CSMD1: variants seen among roughly 807,000 people sequenced by gnomAD.
CSMD1 encodes CUB and sushi domain-containing protein 1.
Under a neutral mutation model 417.5 loss-of-function variants are expected in CSMD1, and 213 were observed. That is an observed-to-expected ratio of 0.51 (90% CI 0.46 to 0.57). The LOEUF is 0.57. Ranked by LOEUF, CSMD1 falls within the 20% of genes least tolerant of loss-of-function variation. CSMD1 has a pLI of 0.00. For synonymous variants in CSMD1, 2,862 were observed against 1,736.8 expected (o/e 1.65, Z -16.11); for missense variants, 6,923 against 4,529.7 (o/e 1.53, Z -15.17).
At chr8:4,157,798 A>G (rs1796917163) in intron 3 of CSMD1, among the ~76,000 whole-genome samples, 1 of 152,176 alleles carries the variant, frequency 6.6e-6, no homozygotes, top group Admixed American at 6.5e-5. Context: ...GAACTTGCCC[A>G]GGGCCTTGGT....
intron 5 of CSMD1, among the ~76,000 whole-genome samples, chr8:3,805,856 C>T (rs1020130430): frequency 1.3e-5 from 2 of 152,090 alleles, no homozygotes; most frequent in Admixed American, 1.3e-4. Context: ...AAATTTCATG[C>T]CTCAGTTTCC....
At chr8:3,769,761 G>C (rs1030256717) in intron 5 of CSMD1, among the ~76,000 whole-genome samples, 1 of 152,050 alleles carries the variant, frequency 6.6e-6, no homozygotes, top group Non-Finnish European at 1.5e-5. Context: ...TGGCAATTTG[G>C]TATTATTTCT....
chr8:4,140,269 G>T (rs1405635795), intron 3 of CSMD1, among the ~76,000 whole-genome samples: 1 of 150,920 alleles, frequency 6.6e-6, no homozygotes, highest in African/African-American at 2.5e-5. Flanking sequence ...AGCTAAGGCG[G>T]GTGGATCACT....
chr8:4,106,543 G>T (rs560956653), intron 3 of CSMD1, among the ~76,000 whole-genome samples: 2 of 152,020 alleles, frequency 1.3e-5, no homozygotes, highest in African/African-American at 2.4e-5. Context: ...AAATTTAAGA[G>T]AAGCCACATT....
chr8:4,885,951 T>C (rs1803709274), intron 1 of CSMD1, among the ~76,000 whole-genome samples: 1 of 151,966 alleles, frequency 6.6e-6, no homozygotes, highest in African/African-American at 2.4e-5. Context: ...ATTTTAGCTC[T>C]TACATTTAGG....
At chr8:4,856,326 G>C (rs1437851189) in intron 1 of CSMD1, among the ~76,000 whole-genome samples, 2 of 144,912 alleles carry the variant, frequency 1.4e-5, no homozygotes, top group South Asian at 2.3e-4. Context: ...AAAATGTAAA[G>C]ACCATCGAGA....
At chr8:4,458,020 G>A (rs1049588747) in intron 2 of CSMD1, among the ~76,000 whole-genome samples, 4 of 151,942 alleles carry the variant, frequency 2.6e-5, no homozygotes, top group East Asian at 1.9e-4. Flanking sequence ...CCCTATATCC[G>A]GTATTCCTCT....
intron 8 of CSMD1, among the ~76,000 whole-genome samples, chr8:3,606,446 A>G (rs937575070): frequency 2.0e-5 from 3 of 152,098 alleles, no homozygotes; most frequent in African/African-American, 7.2e-5. Flanking sequence ...ATACCTAAAC[A>G]TAGAAAAGGA....
intron 3 of CSMD1, among the ~76,000 whole-genome samples, chr8:4,164,475 A>C (rs187396127): frequency 2.0e-5 from 3 of 152,126 alleles, no homozygotes; most frequent in Non-Finnish European, 4.4e-5. Flanking sequence ...ATGAACCCCT[A>C]AACTAATCAA....
intron 12 of CSMD1, among the ~76,000 whole-genome samples, chr8:3,464,799 A>G (rs150925955): frequency 0.014 from 2,061 of 152,136 alleles, 52 homozygotes; most frequent in African/African-American, 0.047. Context: ...TTTTGAACAG[A>G]TTATTTTTAA....
intron 10 of CSMD1, among the ~76,000 whole-genome samples, chr8:3,520,170 A>C (rs910586180): frequency 6.6e-6 from 1 of 152,040 alleles, no homozygotes; most frequent in Non-Finnish European, 1.5e-5. Flanking sequence ...AGAACCGAGA[A>C]GAAGAGAATT....
intron 1 of CSMD1, among the ~76,000 whole-genome samples, chr8:4,964,373 G>A (rs1809707949): frequency 6.6e-6 from 1 of 151,734 alleles, no homozygotes; most frequent in South Asian, 2.1e-4. Context: ...AAAAAAATAA[G>A]CCGGGTCTAG....
intron 27 of CSMD1, among the ~76,000 whole-genome samples, chr8:3,224,859 G>A (rs890891463): frequency 5.3e-5 from 8 of 152,152 alleles, no homozygotes; most frequent in Non-Finnish European, 1.2e-4. Context: ...TGAAAACACT[G>A]CCGAATTTAT....
At chr8:3,479,159 T>A (rs1285657973) in intron 11 of CSMD1, among the ~76,000 whole-genome samples, 1 of 152,156 alleles carries the variant, frequency 6.6e-6, no homozygotes, top group Admixed American at 6.5e-5. Flanking sequence ...AAATTATCAT[T>A]GGAACCTCCT....
intron 54 of CSMD1, among the ~76,000 whole-genome samples, chr8:2,982,429 T>A (rs933711138): frequency 6.6e-6 from 1 of 152,200 alleles, no homozygotes; most frequent in African/African-American, 2.4e-5. Flanking sequence ...TTTCAAACTT[T>A]CTTGAGGATC....
At chr8:4,534,062 T>C (rs1207852514) in intron 2 of CSMD1, among the ~76,000 whole-genome samples, 1 of 152,116 alleles carries the variant, frequency 6.6e-6, no homozygotes, top group African/African-American at 2.4e-5. Flanking sequence ...AATTCAGGCA[T>C]ATGTAAGGAC....
At chr8:4,712,575 G>C (rs964077204) in intron 1 of CSMD1, among the ~76,000 whole-genome samples, 1 of 152,172 alleles carries the variant, frequency 6.6e-6, no homozygotes, top group South Asian at 2.1e-4. Flanking sequence ...ACAGAAAGAA[G>C]GGGCTTTAGA....
At chr8:3,464,633 G>C (rs145517683) in intron 12 of CSMD1, among the ~76,000 whole-genome samples, 2 of 149,686 alleles carry the variant, frequency 1.3e-5, no homozygotes, top group African/African-American at 2.4e-5. Flanking sequence ...TATATAGGTA[G>C]AATCTATATA....
intron 1 of CSMD1, among the ~76,000 whole-genome samples, chr8:4,903,606 A>T (rs1362760519): frequency 2.0e-5 from 3 of 152,234 alleles, no homozygotes; most frequent in Non-Finnish European, 2.9e-5. Context: ...TTGTTACATG[A>T]TAAAACATTA....
Sources: allele counts gnomAD v4.1 joint callset (sites outside exome capture counted in the v4.1 genomes callset), GRCh38; gene constraint gnomAD v4.1.1; transcripts MANE v1.5; gene names NCBI Gene and HGNC (gene_info 2026-07-23, HGNC 2026-07-21).